The following LMX1A variants were observed in gnomAD, a reference collection of about 807,000 sequenced individuals.
LMX1A encodes the protein LIM homeobox transcription factor 1 alpha, also known as LIM homeobox transcription factor 1-alpha.
In LMX1A, 15 loss-of-function variants were observed where a neutral mutation model predicts 49.1. The observed-to-expected ratio is 0.31, with a 90% CI of 0.20 to 0.47. LMX1A has a LOEUF of 0.47. LMX1A is among the 20% of genes least tolerant of loss of function. The probability of loss-of-function intolerance (pLI) is 1.00; values close to 1 mark genes in which losing one functional copy is unlikely to be tolerated. For synonymous variants in LMX1A, 167 were observed against 185.7 expected (o/e 0.90, Z 0.82); for missense variants, 372 against 475.8 (o/e 0.78, Z 2.03).
intron 3 of LMX1A, among the ~76,000 whole-genome samples, chr1:165,303,647 C>A (rs1654844709): frequency 6.6e-6 from 1 of 152,166 alleles, no homozygotes; most frequent in Non-Finnish European, 1.5e-5. Flanking sequence ...TTCACTCAGA[C>A]CACCAGCCCT....
intron 3 of LMX1A, among the ~76,000 whole-genome samples, chr1:165,263,261 A>T (rs1175606936): frequency 1.3e-5 from 2 of 152,180 alleles, no homozygotes; most frequent in Non-Finnish European, 2.9e-5. Context: ...CCTACTCAAC[A>T]TCTTCACTTG....
At chr1:165,314,957 G>A (rs191264523) in intron 3 of LMX1A, among the ~76,000 whole-genome samples, 1 of 152,266 alleles carries the variant, frequency 6.6e-6, no homozygotes, top group East Asian at 1.9e-4. Flanking sequence ...CAACACCCCA[G>A]AGGCTCCTAC....
At chr1:165,235,406 G>A (rs1652393974) in intron 4 of LMX1A, among the ~76,000 whole-genome samples, 1 of 27,226 alleles carries the variant, frequency 3.7e-5, no homozygotes, top group Admixed American at 5.0e-4. Context: ...GCGCTCGCGC[G>A]GACACACACA....
Position 165,355,417 on chromosome 1 carries a change from C to A in LMX1A, c.76+67G>T. Reference sequence around the variant, plus strand: ...CTATCGCGGACCAGGTCCCAGAGAGCGGGGCTCCAGAGCTCAGCGCCAAGC... The same window carrying A: ...CTATCGCGGACCAGGTCCCAGAGAGAGGGGCTCCAGAGCTCAGCGCCAAGC... On this transcript the variant is annotated intron_variant, in intron 2 of 8. Coordinates refer to ENST00000342310, the MANE Select transcript of LMX1A (RefSeq NM_177398.4). The surrounding 1 kb of genome is among the most constrained non-coding windows in gnomAD (Gnocchi z 4.7). The A allele has an allele frequency of 1.3e-6, 2 of 1,503,742 alleles. No homozygotes were observed. The highest frequency in any genetic ancestry group is 1.2e-5 in the South Asian group (1 of 86,636). The allele number at this position is 1,503,742 out of a possible 1,614,324, so 93.1% of individuals were successfully genotyped here. A position where few individuals can be genotyped will look rare whatever the true frequency, so the allele number is the denominator to read the frequency against.
At chr1:165,287,781 A>C (rs1399212620) in intron 3 of LMX1A, among the ~76,000 whole-genome samples, 1 of 152,214 alleles carries the variant, frequency 6.6e-6, no homozygotes, top group Non-Finnish European at 1.5e-5. Flanking sequence ...AATAAAATTA[A>C]ATTAAAAAAA....
intron 5 of LMX1A, among the ~76,000 whole-genome samples, chr1:165,211,549 G>T (rs1316150643): frequency 6.6e-6 from 1 of 152,224 alleles, no homozygotes; most frequent in African/African-American, 2.4e-5. Context: ...AGATCCTGGG[G>T]AGGAGATGGG....
At chr1:165,258,149 T>C (rs1653310524) in intron 3 of LMX1A, among the ~76,000 whole-genome samples, 1 of 152,252 alleles carries the variant, frequency 6.6e-6, no homozygotes, top group East Asian at 1.9e-4. Context: ...TTCAGTGCCA[T>C]GTTGACTTGG....
At position 165,259,798 on chromosome 1, in the gene LMX1A, G is replaced by A. The variant is rs1402668336; in HGVS notation, c.264-10158C>T. ...TGAGAGATGAAAAGGTACTCCTCCA[G>A]GCTCTTAAGCAGTGTTCTGAACAAC... On this transcript the variant is annotated intron_variant, in intron 3 of 8. Transcript: ENST00000342310. Among the ~76,000 whole-genome samples, 6 of 152,310 alleles carry A rather than the reference G, an allele frequency of 3.9e-5. 1 individual carries two copies. The East Asian group carries it at 1.2e-3, about 29-fold the overall frequency.
At chr1:165,302,214 G>A (rs1405907979) in intron 3 of LMX1A, among the ~76,000 whole-genome samples, 8 of 151,674 alleles carry the variant, frequency 5.3e-5, no homozygotes, top group African/African-American at 1.2e-4. Context: ...GGTGGGGGGC[G>A]GGGTGGATCA....
intron 3 of LMX1A, among the ~76,000 whole-genome samples, chr1:165,256,188 G>A (rs575007601): frequency 3.3e-5 from 5 of 152,204 alleles, no homozygotes; most frequent in East Asian, 1.9e-4. Flanking sequence ...AAATCGGATC[G>A]AAGCAGTATT....
intron 3 of LMX1A, among the ~76,000 whole-genome samples, chr1:165,279,611 T>C (rs1240699067): frequency 2.0e-5 from 3 of 152,354 alleles, no homozygotes; most frequent in East Asian, 1.9e-4. Flanking sequence ...TAAATGGGGC[T>C]GATGCTGCCT....
At chr1:165,352,166 C>T (rs1040829022) in intron 3 of LMX1A, among the ~76,000 whole-genome samples, 1 of 152,254 alleles carries the variant, frequency 6.6e-6, no homozygotes, top group African/African-American at 2.4e-5. Flanking sequence ...CCTCCCGGCA[C>T]GCCCGGAGAG....
intron 3 of LMX1A, among the ~76,000 whole-genome samples, chr1:165,290,589 C>T (rs940788307): frequency 1.5e-4 from 23 of 152,116 alleles, no homozygotes; most frequent in African/African-American, 5.6e-4. Context: ...TCTTTTGGAC[C>T]TGATGTCTTT....
intron 4 of LMX1A, among the ~76,000 whole-genome samples, chr1:165,223,980 C>G (rs1330889586): frequency 1.3e-5 from 2 of 152,156 alleles, no homozygotes; most frequent in African/African-American, 2.4e-5. Flanking sequence ...ATCTGTGTCC[C>G]CACCCAAATC....
At chr1:165,233,364 A>G (rs1272837607) in intron 4 of LMX1A, among the ~76,000 whole-genome samples, 1 of 152,220 alleles carries the variant, frequency 6.6e-6, no homozygotes, top group Non-Finnish European at 1.5e-5. Flanking sequence ...ATGAGGCAGG[A>G]GGATTGCATG....
At chr1:165,255,711 C>T (rs1653211928) in intron 3 of LMX1A, among the ~76,000 whole-genome samples, 1 of 152,166 alleles carries the variant, frequency 6.6e-6, no homozygotes, top group Non-Finnish European at 1.5e-5. Flanking sequence ...CAGTGGCTCA[C>T]GCCTGTAATC....
chr1:165,226,021 C>CTT lies in LMX1A; in HGVS notation c.497-12210_497-12209dup, dbSNP rs5778432. Among the ~76,000 whole-genome samples, 1,312 of 150,606 alleles carry CTT rather than the reference C, an allele frequency of 8.7e-3. 14 individuals are homozygous for CTT. Among genetic ancestry groups the CTT allele is most frequent in the African/African-American group, 0.029 (1,211 of 41,196 alleles). On this transcript the variant is annotated intron_variant, in intron 4 of 8. Coordinates refer to ENST00000342310, the MANE Select transcript of LMX1A (RefSeq NM_177398.4). ...TTTGATAATTGTGGGAGAATGGAAA[C>CTT]TTTTTTTTTTACAACCATCTTTTCC... is the stretch of plus-strand genomic sequence containing the variant.
intron 3 of LMX1A, among the ~76,000 whole-genome samples, chr1:165,301,606 A>C (rs1279441051): frequency 6.6e-6 from 1 of 152,206 alleles, no homozygotes; most frequent in Non-Finnish European, 1.5e-5. Flanking sequence ...AAAAACAAAC[A>C]AACATAAAAG....
At chr1:165,210,598 T>G in intron 6 of LMX1A, 101 bp downstream of exon 6, 5 of 753,106 alleles carry the variant, frequency 6.6e-6, no homozygotes, top group Non-Finnish European at 1.1e-5. Context: ...CTCTATCCAA[T>G]GAGCTAAGGC....
Sources: allele counts gnomAD v4.1 joint callset (sites outside exome capture counted in the v4.1 genomes callset), GRCh38; gene constraint gnomAD v4.1.1; non-coding constraint Gnocchi (gnomAD v3.1); transcripts MANE v1.5; gene names NCBI Gene and HGNC (gene_info 2026-07-23, HGNC 2026-07-21).